The following NCOA5 variants were observed in gnomAD, a reference collection of about 807,000 sequenced individuals.
The protein encoded by NCOA5 is nuclear receptor coactivator 5.
In NCOA5, 12 loss-of-function variants were observed where a neutral mutation model predicts 59.0. The ratio of observed to expected loss-of-function variants is 0.20; its 90% CI spans 0.13 to 0.33. NCOA5 has a LOEUF of 0.33. Among genes scored for constraint, NCOA5 ranks in the 10% least tolerant of loss-of-function variants. NCOA5 has a pLI of 1.00. For missense variants in NCOA5, 655 were observed against 766.6 expected, an observed-to-expected ratio of 0.85 and a Z score of 1.72; for synonymous variants, 270 against 275.5, an observed-to-expected ratio of 0.98 and a Z score of 0.20.
intron 1 of NCOA5, among the ~76,000 whole-genome samples, chr20:46,086,144 C>G (rs1019510766): frequency 6.6e-6 from 1 of 152,176 alleles, no homozygotes; most frequent in Non-Finnish European, 1.5e-5. Flanking sequence ...TCCCCAAACG[C>G]TGGGATTACA....
chr20:46,065,333 C>T, intron 5 of NCOA5, 105 bp from the exon 6 acceptor site: 1 of 1,042,866 alleles, frequency 9.6e-7, no homozygotes, highest in Non-Finnish European at 1.5e-6. Context: ...CCTTAGTCTA[C>T]CCCAGTACCG....
At chr20:46,086,983 T>A (rs2085051949) in intron 1 of NCOA5, among the ~76,000 whole-genome samples, 1 of 152,210 alleles carries the variant, frequency 6.6e-6, no homozygotes, top group Admixed American at 6.5e-5. Context: ...AAATCAATTA[T>A]CTCCAATGAT....
At chr20:46,070,104 A>G in intron 3 of NCOA5, 106 bp downstream of exon 3, 2 of 880,342 alleles carry the variant, frequency 2.3e-6, no homozygotes, top group Non-Finnish European at 3.4e-6. Context: ...GTCACCAGAA[A>G]TAAAAGGCTG....
chr20:46,072,160 A>G (rs2084889425), intron 2 of NCOA5, among the ~76,000 whole-genome samples: 1 of 152,160 alleles, frequency 6.6e-6, no homozygotes, highest in South Asian at 2.1e-4. Context: ...TTCTTTGGCA[A>G]AACTGAAGGC....
chr20:46,063,767 C>T, intron 6 of NCOA5, 87 bp from the exon 7 acceptor site: 1 of 1,289,338 alleles, frequency 7.8e-7, no homozygotes, highest in South Asian at 1.5e-5. Flanking sequence ...TTCCTAACCT[C>T]ATACCAGCAA....
intron 1 of NCOA5, 49 bp from the exon 2 acceptor site, chr20:46,079,502 AG>A: frequency 7.1e-7 from 1 of 1,414,422 alleles, no homozygotes. Flanking sequence ...AATAAAAACA[AG>A]ATCATCAGCA....
chr20:46,069,275 T>C (rs956554969), intron 3 of NCOA5, among the ~76,000 whole-genome samples: 4 of 152,256 alleles, frequency 2.6e-5, no homozygotes, highest in Admixed American at 2.0e-4. Flanking sequence ...TCTGTCTCTA[T>C]AAATTTGCGT....
chr20:46,075,264 T>C (rs918169289), intron 2 of NCOA5, among the ~76,000 whole-genome samples: 2 of 152,194 alleles, frequency 1.3e-5, no homozygotes, highest in African/African-American at 2.4e-5. Flanking sequence ...CAAACAGAAC[T>C]TTCTTATTGG....
chr20:46,070,423 C>T lies in NCOA5; in HGVS notation c.152G>A (p.Ser51Asn), dbSNP rs1204783263. 1.2e-6 allele frequency: 2 copies of T among 1,613,940 alleles called. No homozygotes were observed. The highest frequency in any genetic ancestry group is 1.7e-6 in the Non-Finnish European group (2 of 1,179,954). ...DGRNGRDARD[S>N]RDIRDPRDLR... ...GTCTCGGGGGTCTCGAATGTCTCTG[C>T]TGTCCCGGGCATCCCGGCCATTTCT... The change falls in exon 3 of 8, where the codon AGC becomes AAC. Residue 51 changes from serine (S) to asparagine (N), a missense_variant. Transcript: ENST00000290231.
intron 1 of NCOA5, among the ~76,000 whole-genome samples, chr20:46,081,212 A>AGGAAACT (rs1253581527): frequency 6.6e-6 from 1 of 152,142 alleles, no homozygotes; most frequent in Non-Finnish European, 1.5e-5. Context: ...TTGTGAATAA[A>AGGAAACT]GGAAACTCAC....
intron 3 of NCOA5, among the ~76,000 whole-genome samples, chr20:46,069,977 C>T (rs6074009): frequency 0.14 from 20,656 of 152,136 alleles, 1,754 homozygotes; most frequent in Non-Finnish European, 0.19. Flanking sequence ...CCTACAATTT[C>T]TCAGAGTTTC....
intron 4 of NCOA5, 77 bp downstream of exon 4, chr20:46,068,425 G>A (rs2084846773): frequency 6.8e-7 from 1 of 1,469,640 alleles, no homozygotes; most frequent in Non-Finnish European, 9.1e-7. Flanking sequence ...TCAGATGGGG[G>A]TACTGGTTAT....
chr20:46,089,449 C>A (rs2145561069), intron 1 of NCOA5, among the ~76,000 whole-genome samples: 1 of 152,308 alleles, frequency 6.6e-6, no homozygotes, highest in Middle Eastern at 3.4e-3. Context: ...GACCCGCGGG[C>A]GAGCGACTCC....
intron 1 of NCOA5, among the ~76,000 whole-genome samples, chr20:46,086,221 G>A (rs1366302486): frequency 6.6e-6 from 1 of 152,196 alleles, no homozygotes; most frequent in African/African-American, 2.4e-5. Flanking sequence ...AAGACACTCT[G>A]TTTTCTAATG....
At chr20:46,077,856 A>G (rs2084954048) in intron 2 of NCOA5, among the ~76,000 whole-genome samples, 2 of 152,346 alleles carry the variant, frequency 1.3e-5, no homozygotes, top group African/African-American at 4.8e-5. Context: ...GGACTGCCCA[A>G]GATCTGTGGC....
chr20:46,062,622 G>A lies in NCOA5; in HGVS notation c.1418C>T (p.Pro473Leu). 1 of 1,614,210 alleles carries A rather than the reference G, an allele frequency of 6.2e-7. No homozygotes were observed. ...QNFSTAANSQ[P>L]QQRSQASGNQ... ...GCCAGAAGCCTGTGATCTTTGTTGA[G>A]GCTGGCTGTTTGCTGCTGTGGAAAA... is the stretch of plus-strand genomic sequence containing the variant. Residue 473 changes from proline to leucine, a missense_variant, in exon 8 of 8, where the codon CCT becomes CTT. This residue lies in a region of NCOA5 where 325 missense variants were observed against 353.2 expected (regional missense o/e 0.92). Coordinates refer to ENST00000290231, the MANE Select transcript of NCOA5 (RefSeq NM_020967.3).
At chr20:46,070,878 A>G (rs1432830542) in intron 2 of NCOA5, among the ~76,000 whole-genome samples, 4 of 152,226 alleles carry the variant, frequency 2.6e-5, no homozygotes, top group Non-Finnish European at 5.9e-5. Context: ...GTGACAGAGT[A>G]AGGAGGCAAG....
chr20:46,069,722 C>A (rs1357479642), intron 3 of NCOA5, among the ~76,000 whole-genome samples: 3 of 149,944 alleles, frequency 2.0e-5, no homozygotes, highest in African/African-American at 4.9e-5. Context: ...CAGAATGACA[C>A]CTTGTCTCAA....
At chr20:46,073,321 G>A (rs2084904467) in intron 2 of NCOA5, among the ~76,000 whole-genome samples, 1 of 152,154 alleles carries the variant, frequency 6.6e-6, no homozygotes, top group Non-Finnish European at 1.5e-5. Context: ...TATATTCTAA[G>A]GTTCACCAGC....
Sources: gnomAD v4.1 joint callset for allele counts (sites outside exome capture counted in the v4.1 genomes callset) on GRCh38, gnomAD v4.1.1 for gene constraint, gnomAD v4.1.1 regional missense constraint, MANE v1.5 for transcripts, NCBI Gene and HGNC (gene_info 2026-07-23, HGNC 2026-07-21) for gene names.